The following KIAA0825 variants were observed in gnomAD, a reference collection of about 807,000 sequenced individuals.
KIAA0825 encodes KIAA0825, also known as uncharacterized protein KIAA0825.
Under a neutral mutation model 147.6 loss-of-function variants are expected in KIAA0825, and 119 were observed. That is an observed-to-expected ratio of 0.81 (90% CI 0.69 to 0.94). The LOEUF (loss-of-function observed/expected upper bound fraction) is 0.94. Ranked by LOEUF, KIAA0825 falls within the 40% of genes least tolerant of loss-of-function variation. The probability of loss-of-function intolerance (pLI) is 0.00; values close to 1 mark genes in which losing one functional copy is unlikely to be tolerated. For synonymous variants in KIAA0825, 470 were observed against 518.1 expected, an observed-to-expected ratio of 0.91 and a Z score of 1.26; for missense variants, 1,381 against 1,472.7, an observed-to-expected ratio of 0.94 and a Z score of 1.02.
At chr5:94,237,575 G>C (rs143907644) in intron 20 of KIAA0825, among the ~76,000 whole-genome samples, 1 of 152,044 alleles carries the variant, frequency 6.6e-6, no homozygotes, top group Admixed American at 6.5e-5. Flanking sequence ...TCTCTTACTC[G>C]CTTGGTTTCT....
intron 16 of KIAA0825, among the ~76,000 whole-genome samples, chr5:94,403,117 G>T (rs1294107424): frequency 6.6e-6 from 1 of 152,018 alleles, no homozygotes; most frequent in East Asian, 1.9e-4. Flanking sequence ...TGCTATTTTT[G>T]ACCTAAAAGC....
intron 20 of KIAA0825, among the ~76,000 whole-genome samples, chr5:94,364,178 T>C (rs1239357809): frequency 9.2e-5 from 14 of 151,810 alleles, no homozygotes; most frequent in African/African-American, 2.7e-4. Flanking sequence ...ATGTAGTGTA[T>C]AAATGCCCCG....
intron 14 of KIAA0825, among the ~76,000 whole-genome samples, chr5:94,425,089 T>C (rs1754679274): frequency 6.6e-6 from 1 of 152,142 alleles, no homozygotes; most frequent in Non-Finnish European, 1.5e-5. Context: ...CCTCAAACTA[T>C]TCTAAAAGAG....
chr5:94,184,146 G>A (rs1431820771), intron 20 of KIAA0825, among the ~76,000 whole-genome samples: 1 of 152,182 alleles, frequency 6.6e-6, no homozygotes, highest in Non-Finnish European at 1.5e-5. Flanking sequence ...ACTGCATGCT[G>A]TGGAGAACCC....
At position 94,152,189 on chromosome 5, in the gene KIAA0825, T is replaced by C. The variant is rs1166874058; in HGVS notation, c.*1818A>G. On this transcript the variant is annotated 3_prime_UTR_variant, in exon 21 of 21. Transcript: ENST00000682413. ...TATGTATTTTTATTTAAAGAAAAAA[T>C]GTAAGAGATTTCCTAATGTGGCCTC... Among the ~76,000 whole-genome samples, 1 of 152,178 alleles carries C rather than the reference T, an allele frequency of 6.6e-6. No individual in the cohort carries two copies. Among genetic ancestry groups the C allele is most frequent in the Non-Finnish European group, 1.5e-5 (1 of 68,018 alleles).
At chr5:94,208,208 A>G (rs990723817) in intron 20 of KIAA0825, among the ~76,000 whole-genome samples, 5 of 152,178 alleles carry the variant, frequency 3.3e-5, no homozygotes, top group Admixed American at 3.3e-4. Context: ...TGACAGACAA[A>G]CTGTATATAA....
chr5:94,189,652 T>G (rs1239440472), intron 20 of KIAA0825, among the ~76,000 whole-genome samples: 1 of 152,166 alleles, frequency 6.6e-6, no homozygotes, highest in East Asian at 1.9e-4. Flanking sequence ...CATTCTTTAG[T>G]CAGTTCTACA....
intron 1 of KIAA0825, among the ~76,000 whole-genome samples, chr5:94,586,574 C>A (rs1783327101): frequency 6.6e-6 from 1 of 152,160 alleles, no homozygotes; most frequent in African/African-American, 2.4e-5. Flanking sequence ...AAAAAAACTC[C>A]AGGACCAGAC....
intron 20 of KIAA0825, among the ~76,000 whole-genome samples, chr5:94,272,575 T>C (rs942764545): frequency 1.3e-5 from 2 of 152,166 alleles, no homozygotes; most frequent in Non-Finnish European, 2.9e-5. Context: ...AAGCAACCAA[T>C]GTCCAGAAGT....
chr5:94,540,639 A>C (rs1773108115), intron 2 of KIAA0825, among the ~76,000 whole-genome samples: 1 of 152,242 alleles, frequency 6.6e-6, no homozygotes, highest in Non-Finnish European at 1.5e-5. Context: ...ATTTTGTCAG[A>C]AAAGTAATAA....
At chr5:94,317,660 C>T (rs1237806881) in intron 20 of KIAA0825, among the ~76,000 whole-genome samples, 3 of 151,846 alleles carry the variant, frequency 2.0e-5, no homozygotes, top group Non-Finnish European at 4.4e-5. Context: ...CTTAAGTGAC[C>T]TCCCTGAGTC....
At chr5:94,594,216 A>C in intron 1 of KIAA0825, 1 of 590,922 alleles carries the variant, frequency 1.7e-6, no homozygotes, top group Non-Finnish European at 3.3e-6. Flanking sequence ...TTCATCTCTA[A>C]GTGCAAGAGT....
At chr5:94,460,689 A>AT (rs1193812644) in intron 12 of KIAA0825, among the ~76,000 whole-genome samples, 1 of 152,080 alleles carries the variant, frequency 6.6e-6, no homozygotes, top group Non-Finnish European at 1.5e-5. Context: ...AAAAAGCTCA[A>AT]TAAGTCAGTA....
intron 2 of KIAA0825, among the ~76,000 whole-genome samples, chr5:94,575,371 AAAAG>A (rs1436103830): frequency 6.6e-6 from 1 of 152,114 alleles, no homozygotes; most frequent in African/African-American, 2.4e-5. Context: ...GAAAAAAAAA[AAAAG>A]ATAGATCTGA....
At chr5:94,547,409 T>C (rs1350169697) in intron 2 of KIAA0825, among the ~76,000 whole-genome samples, 1 of 152,054 alleles carries the variant, frequency 6.6e-6, no homozygotes, top group Non-Finnish European at 1.5e-5. Context: ...CCTCAAGGCA[T>C]TTAATAATCA....
At chr5:94,598,900 T>C (rs1283905529) in intron 1 of KIAA0825, among the ~76,000 whole-genome samples, 1 of 152,186 alleles carries the variant, frequency 6.6e-6, no homozygotes, top group East Asian at 1.9e-4. Flanking sequence ...TGATTTCATA[T>C]CTTGGCTATT....
In KIAA0825 at chr5:94,282,626, A is replaced by T. The variant is rs1222658030; in HGVS notation, c.3710+101742T>A. ...ATATGAAATATTGAAATTCATAATTACTATTTGACTATTTCAAATAATGTC... is the reference window on the plus strand; with the variant it reads ...ATATGAAATATTGAAATTCATAATTTCTATTTGACTATTTCAAATAATGTC... On this transcript the variant is annotated intron_variant, in intron 20 of 20. Transcript: ENST00000682413. 2.0e-5 allele frequency among the ~76,000 whole-genome samples: 3 copies of T among 152,114 alleles called. No individual in the cohort carries two copies. In the East Asian group the frequency reaches 5.8e-4, roughly 29 times the overall value.
chr5:94,495,733 G>A (rs1487733386), intron 5 of KIAA0825, among the ~76,000 whole-genome samples: 1 of 152,190 alleles, frequency 6.6e-6, no homozygotes, highest in East Asian at 1.9e-4. Flanking sequence ...AAAAAGTCTG[G>A]ATAAGAAACT....
At chr5:94,491,111 A>C (rs1224861742) in intron 5 of KIAA0825, among the ~76,000 whole-genome samples, 3 of 152,184 alleles carry the variant, frequency 2.0e-5, no homozygotes, top group Non-Finnish European at 4.4e-5. Context: ...ATAGGATAAA[A>C]GGTGCGCATT....
Sources: allele counts gnomAD v4.1 joint callset (sites outside exome capture counted in the v4.1 genomes callset), GRCh38; gene constraint gnomAD v4.1.1; transcripts MANE v1.5; gene names NCBI Gene and HGNC (gene_info 2026-07-23, HGNC 2026-07-21).